Variants in ACRBP observed in about 807,000 individuals in gnomAD.
ACRBP encodes acrosin-binding protein.
A neutral mutation model predicts 69.0 loss-of-function variants in ACRBP; 52 were observed. That is an observed-to-expected ratio of 0.75 (90% CI 0.60 to 0.95). ACRBP has a LOEUF of 0.95. Among genes scored for constraint, ACRBP ranks in the 40% least tolerant of loss-of-function variants. The pLI is 0.00. For missense variants in ACRBP, 604 were observed against 673.0 expected (o/e 0.90, Z 1.13); for synonymous variants, 267 against 258.9 (o/e 1.03, Z -0.30).
At position 6,643,624 on chromosome 12, in the gene ACRBP, G is replaced by T. The variant is rs766347409; in HGVS notation, c.992C>A (p.Ser331Ter). The change falls in exon 6 of 10, where the codon TCG becomes TAG. Residue 331 changes from serine (S) to a stop codon, truncating the protein, a stop_gained. Coordinates refer to ENST00000229243, the MANE Select transcript of ACRBP (RefSeq NM_032489.3). LOFTEE classifies it high-confidence loss of function. ...HTEALLVLCY[S>*]IVENTCIITP... ...TATGATGCAGGTATTCTCCACGATC[G>T]AATAGCACAGCACCAGCAAGGCCTC... 1 of 1,614,186 alleles carries T rather than the reference G, an allele frequency of 6.2e-7. No individual in the cohort carries two copies. Among genetic ancestry groups the T allele is most frequent in the Admixed American group, 1.7e-5 (1 of 60,028 alleles).
Position 6,640,110 on chromosome 12 carries a change from A to G in ACRBP, c.1375T>C (p.Trp459Arg). ...AAGCTAAGGAACTCAGTCTGGAGCC[A>G]CCCAGAGACTCGGACATCTTCACAG... ...KGCEDVRVSG[W>R]LQTEFLSFQD... Residue 459 changes from tryptophan (W) to arginine (R), a missense_variant, in exon 8 of 10, where the codon TGG becomes CGG. By Grantham distance (101) the Trp-to-Arg change is moderately radical. Around this residue, in one of 3 missense-constraint regions of ACRBP, gnomAD observed 21 missense variants for 50.0 expected, o/e 0.42. Coordinates refer to ENST00000229243, the MANE Select transcript of ACRBP (RefSeq NM_032489.3). This position sits in a 1 kb window ranked among gnomAD's most constrained non-coding sequence, Gnocchi z 5.3. 1 of 1,614,200 alleles carries G rather than the reference A, an allele frequency of 6.2e-7. No homozygotes were observed. Among genetic ancestry groups the G allele is most frequent in the East Asian group, 2.2e-5 (1 of 44,886 alleles).
At position 6,640,765 on chromosome 12, in the gene ACRBP, C is replaced by A. The variant is rs976112275; in HGVS notation, c.1078-243G>T. Among the ~76,000 whole-genome samples the A allele has an allele frequency of 5.3e-5, 8 of 152,160 alleles. No homozygotes were observed. Among genetic ancestry groups the A allele is most frequent in the Admixed American group, 6.5e-5 (1 of 15,274 alleles). ...GGTAATCATCTATCTGCGAGTGACA[C>A]CCAAATCTTTATCACCAGCTCTGAT... On this transcript the variant is annotated intron_variant, in intron 6 of 9. Transcript: ENST00000229243. The surrounding 1 kb of genome is among the most constrained non-coding windows in gnomAD (Gnocchi z 5.3).
At chr12:6,643,983 T>C (rs777350597) in intron 5 of ACRBP, 154 bp downstream of exon 5, 35 of 1,399,196 alleles carry the variant, frequency 2.5e-5, no homozygotes, top group Non-Finnish European at 3.2e-5. Flanking sequence ...AAGCCAACAA[T>C]GGGCACAGAA....
At chr12:6,644,115 A>G (rs1025711191) in intron 5 of ACRBP, 22 bp downstream of exon 5, 16 of 1,547,154 alleles carry the variant, frequency 1.0e-5, no homozygotes, top group Non-Finnish European at 1.3e-5. Context: ...AGGGTGGATG[A>G]CAGAGTCAAA....
intron 8 of ACRBP, 74 bp from the exon 9 acceptor site, chr12:6,639,111 G>A: frequency 7.2e-7 from 1 of 1,395,804 alleles, no homozygotes; most frequent in Middle Eastern, 1.8e-4. Flanking sequence ...GGGAATATCT[G>A]CTAGGGCAGA....
At chr12:6,643,501 C>A (rs1949067326) in intron 6 of ACRBP, 38 bp downstream of exon 6, 1 of 1,610,290 alleles carries the variant, frequency 6.2e-7, no homozygotes, top group African/African-American at 1.3e-5. Context: ...AGAGGATGCC[C>A]AGTGGCATGT....
Position 6,644,224 on chromosome 12 carries a change from T to C in ACRBP, c.857A>G (p.Gln286Arg). 6.2e-7 allele frequency: 1 copy of C among 1,614,032 alleles called. No individual in the cohort carries two copies. The highest frequency in any genetic ancestry group is 8.5e-7 in the Non-Finnish European group (1 of 1,179,930). The change falls in exon 5 of 10, where the codon CAG becomes CGG. Residue 286 changes from glutamine (Q) to arginine (R), a missense_variant. Gln to Arg is a conservative substitution (Grantham distance 43). Around this residue, in one of 3 missense-constraint regions of ACRBP, gnomAD observed 532 missense variants for 562.9 expected, o/e 0.95. Transcript: ENST00000229243. ...TTCCTGGGCTGATCGAATGAGCTCC[T>C]GGATGTTCTCCATTATCATAGGAGT... ...ESTPMIMENI[Q>R]ELIRSAQEID... is the part of the protein sequence containing the mutation.
intron 4 of ACRBP, 125 bp from the exon 5 acceptor site, chr12:6,644,730 C>A: frequency 7.1e-7 from 1 of 1,401,942 alleles, no homozygotes; most frequent in Non-Finnish European, 9.4e-7. Context: ...CACAGAAAAA[C>A]ACAGAAAAGA....
rs1949043186 is a variant in ACRBP at position 6,640,280 on chromosome 12, A to G, written c.1258-53T>C. The G allele has an allele frequency of 1.2e-6, 2 of 1,611,118 alleles. No individual in the cohort carries two copies. The highest frequency in any genetic ancestry group is 1.7e-6 in the Non-Finnish European group (2 of 1,178,180). On this transcript the variant is annotated intron_variant, in intron 7 of 9. Coordinates refer to ENST00000229243, the MANE Select transcript of ACRBP (RefSeq NM_032489.3). This position sits in a 1 kb window ranked among gnomAD's most constrained non-coding sequence, Gnocchi z 5.3. ...GCGTGCCCCTCCCCACCTGCTGGCC[A>G]CCACCACCCCACCCCTGCCACCCAG...
rs1949091063 is a variant in ACRBP, at chr12:6,646,573, A to G, written c.267T>C (p.Ala89=). 1.9e-6 allele frequency: 3 copies of G among 1,613,976 alleles called. No homozygotes were observed. The highest frequency in any genetic ancestry group is 1.3e-5 in the African/African-American group (1 of 74,932). The change falls in exon 3 of 10, where the codon GCT becomes GCC. Residue 89 remains alanine, a synonymous_variant. Transcript: ENST00000229243. The stretch of plus-strand genomic sequence containing the variant: ...AGGCATAAGGGAGGTTGGAGCAGAC[A>G]GCACCTGAGAAAGGGCAGGGGTGGA... ...YENHGLVPDG[A]VCSNLPYASW...
At chr12:6,643,421 T>A in intron 6 of ACRBP, 118 bp downstream of exon 6, 3 of 1,383,818 alleles carry the variant, frequency 2.2e-6, no homozygotes, top group Non-Finnish European at 3.0e-6. Context: ...TTGGAGAGAA[T>A]CTCTCCAGCT....
chr12:6,638,970 CTCA>C lies in ACRBP; in HGVS notation c.1490_1492del (p.Met497del). On this transcript the variant is annotated inframe_deletion, in exon 9 of 10. Coordinates refer to ENST00000229243, the MANE Select transcript of ACRBP (RefSeq NM_032489.3). ...GGTGCTCACCTTCCGATTGCGGTTT[CTCA>C]TCAGACACTGCTGGCTTTTGAAGGA... is the stretch of plus-strand genomic sequence containing the variant. 2.5e-6 allele frequency: 4 copies of C among 1,614,150 alleles called. No homozygotes were observed. The highest frequency in any genetic ancestry group is 3.4e-6 in the Non-Finnish European group (4 of 1,180,008).
chr12:6,645,291 A>T lies in ACRBP; in HGVS notation c.404T>A (p.Leu135His). The T allele has an allele frequency of 6.2e-7, 1 of 1,613,854 alleles. No individual in the cohort carries two copies. Among genetic ancestry groups the T allele is most frequent in the Non-Finnish European group, 8.5e-7 (1 of 1,179,920 alleles). Residue 135 changes from leucine to histidine, a missense_variant, in exon 4 of 10, where the codon CTC (leucine) becomes CAC (histidine). Leu to His is a moderately conservative substitution (Grantham distance 99). Around this residue, in one of 3 missense-constraint regions of ACRBP, gnomAD observed 532 missense variants for 562.9 expected, o/e 0.95. Transcript: ENST00000229243. ...QPVSILSPNTLKEIEASAEVS... is the reference protein window; with the variant it reads ...QPVSILSPNTHKEIEASAEVS... ...TTCAGCTGAAGCTTCTATCTCCTTG[A>T]GAGTGTTAGGTGAGAGAATAGAGAC...
chr12:6,638,803 A>G (rs1027530317), intron 9 of ACRBP, 151 bp downstream of exon 9: 2 of 1,485,700 alleles, frequency 1.3e-6, no homozygotes, highest in Non-Finnish European at 1.8e-6. Context: ...AATGGAGGAG[A>G]GCCTGCTGGT....
At chr12:6,646,142 T>G (rs1434491157) in intron 3 of ACRBP, among the ~76,000 whole-genome samples, 23 of 147,400 alleles carry the variant, frequency 1.6e-4, no homozygotes, top group Admixed American at 8.8e-4. Flanking sequence ...TTTTTTTTTT[T>G]TGTATTTTTA....
intron 3 of ACRBP, among the ~76,000 whole-genome samples, chr12:6,645,639 T>C (rs1407825222): frequency 1.3e-5 from 2 of 150,098 alleles, no homozygotes; most frequent in East Asian, 3.9e-4. Flanking sequence ...TACTTCTTTT[T>C]GTTTGGGTTT....
chr12:6,647,160 A>G, intron 1 of ACRBP, 148 bp from the exon 2 acceptor site: 1 of 1,101,236 alleles, frequency 9.1e-7, no homozygotes, highest in Non-Finnish European at 1.3e-6. Context: ...ACAGAGGCAA[A>G]GGTCCGGCCG....
At chr12:6,644,649 C>T (rs760633986) in intron 4 of ACRBP, 44 bp from the exon 5 acceptor site, 22 of 1,556,136 alleles carry the variant, frequency 1.4e-5, no homozygotes, top group Non-Finnish European at 1.7e-5. Context: ...AGTCAGGCTT[C>T]TAGCCCCTGA....
intron 5 of ACRBP, 133 bp downstream of exon 5, chr12:6,644,004 A>G (rs1949070851): frequency 6.9e-7 from 1 of 1,454,242 alleles, no homozygotes; most frequent in Non-Finnish European, 9.1e-7. Flanking sequence ...TTGGTGAGGC[A>G]GTTGCTAGCT....
Sources: gnomAD v4.1 joint callset for allele counts (sites outside exome capture counted in the v4.1 genomes callset) on GRCh38, gnomAD v4.1.1 for gene constraint, gnomAD v4.1.1 regional missense constraint, Gnocchi (gnomAD v3.1) non-coding constraint, MANE v1.5 for transcripts, NCBI Gene and HGNC (gene_info 2026-07-23, HGNC 2026-07-21) for gene names.